CCZ1B: variants seen among roughly 807,000 people sequenced by gnomAD.
CCZ1B encodes the protein CCZ1B vacuolar protein trafficking and biogenesis associated.
In CCZ1B, 25 loss-of-function variants were observed where a neutral mutation model predicts 58.8. That is an observed-to-expected ratio of 0.43 (90% CI 0.31 to 0.59). CCZ1B has a LOEUF of 0.59. Among genes scored for constraint, CCZ1B ranks in the 20% least tolerant of loss-of-function variants. The pLI, the probability that CCZ1B is intolerant of heterozygous loss-of-function variation, is 0.12. For synonymous variants in CCZ1B, 66 were observed against 173.2 expected, an observed-to-expected ratio of 0.38 and a Z score of 4.86; for missense variants, 180 against 501.5, an observed-to-expected ratio of 0.36 and a Z score of 6.12.
chr7:6,808,520 G>C (rs1473075695), intron 10 of CCZ1B, among the ~76,000 whole-genome samples: 1 of 150,456 alleles, frequency 6.6e-6, no homozygotes, highest in Non-Finnish European at 1.5e-5. Flanking sequence ...TCTTCCCCGG[G>C]CTGATTTTAA....
intron 8 of CCZ1B, 72 bp downstream of exon 8, chr7:6,814,692 C>G: frequency 7.3e-7 from 1 of 1,361,844 alleles, no homozygotes; most frequent in South Asian, 1.3e-5. Context: ...CCCCCATGCA[C>G]CACCATCTCA....
At chr7:6,819,647 G>C (rs1296745585) in intron 7 of CCZ1B, 119 bp downstream of exon 7, 11 of 612,856 alleles carry the variant, frequency 1.8e-5, no homozygotes, top group Non-Finnish European at 3.2e-5. Flanking sequence ...CTATGAAGAT[G>C]CTTCCTACCC....
Position 6,824,213 on chromosome 7 carries a change from A to G in CCZ1B, c.313-47T>C, listed in dbSNP as rs570469197. On this transcript the variant is annotated intron_variant, in intron 3 of 14. Transcript: ENST00000316731. ...AATTATACAATGAATTCATTAGACC[A>G]TGTTTATTTTGCCTTAATTTAAAAA... 2.0e-4 allele frequency: 302 copies of G among 1,504,888 alleles called. 3 individuals carry two copies. The South Asian group carries it at 2.5e-3, about 12-fold the overall frequency. The allele number at this position is 1,504,888 out of a possible 1,614,324, so 93.2% of individuals were successfully genotyped here. A position where few individuals can be genotyped will look rare whatever the true frequency, so the allele number is the denominator to read the frequency against.
rs1161404146 is a variant in CCZ1B, at chr7:6,814,650, G to A, written c.780+114C>T. The A allele has an allele frequency of 3.2e-5, 30 of 949,654 alleles. No homozygotes were observed. In the East Asian group the frequency reaches 6.8e-4, roughly 21 times the overall value. The allele number at this position is 949,654 out of a possible 1,614,324, so 58.8% of individuals were successfully genotyped here. On this transcript the variant is annotated intron_variant, in intron 8 of 14. Transcript: ENST00000316731. ...TACAGTGACATAAATAACACACTAA[G>A]ACAAAACATACATCAGAAACGATCA... is the stretch of plus-strand genomic sequence containing the variant.
chr7:6,812,908 C>T, intron 9 of CCZ1B, 68 bp downstream of exon 9: 1 of 1,532,502 alleles, frequency 6.5e-7, no homozygotes, highest in Non-Finnish European at 8.8e-7. Context: ...GCCTGGGTAA[C>T]AGAGCCAGAC....
chr7:6,814,677 A>C, intron 8 of CCZ1B, 87 bp downstream of exon 8: 3 of 1,223,670 alleles, frequency 2.5e-6, no homozygotes, highest in South Asian at 2.7e-5. Context: ...AAACGATCAG[A>C]AACACCCCCA....
chr7:6,823,362 T>C lies in CCZ1B; in HGVS notation c.391-2A>G. 6.2e-7 allele frequency: 1 copy of C among 1,607,706 alleles called. No individual in the cohort carries two copies. The highest frequency in any genetic ancestry group is 1.1e-5 in the South Asian group (1 of 90,594). ...CAGCACCGAGCTATAAACCTTGTCC[T>C]GCAGACGCGAAAACACAGCACACAG... On this transcript the variant is annotated splice_acceptor_variant, in intron 4 of 14. Coordinates refer to ENST00000316731, the MANE Select transcript of CCZ1B (RefSeq NM_198097.5). LOFTEE classifies it high-confidence loss of function.
intron 10 of CCZ1B, among the ~76,000 whole-genome samples, chr7:6,808,506 C>G (rs1237857897): frequency 6.7e-6 from 1 of 150,312 alleles, no homozygotes; most frequent in African/African-American, 2.5e-5. Flanking sequence ...CTGCCCCACA[C>G]GCCTCTTCCC....
chr7:6,818,634 CA>C (rs754950810), intron 7 of CCZ1B, among the ~76,000 whole-genome samples: 8,573 of 104,296 alleles, frequency 0.082, 617 homozygotes, highest in South Asian at 0.14. Flanking sequence ...GAAAGAAAGA[CA>C]AGAAAGAAAG....
intron 5 of CCZ1B, among the ~76,000 whole-genome samples, chr7:6,822,738 G>C (rs1330083931): frequency 9.7e-6 from 1 of 102,566 alleles, no homozygotes. Flanking sequence ...GAATCTCGCT[G>C]TTGCCCAGGG....
rs554356422 is a variant in CCZ1B at position 6,818,490 on chromosome 7, A to G, written c.698+1276T>C. On this transcript the variant is annotated intron_variant, in intron 7 of 14. Transcript: ENST00000316731. Reference sequence around the variant, plus strand: ...CTTGAACCCAGGAAGGGGAAGTTGCAGTGAGCCAAGATCGCGCCACTGTAC... The same window carrying G: ...CTTGAACCCAGGAAGGGGAAGTTGCGGTGAGCCAAGATCGCGCCACTGTAC... Among the ~76,000 whole-genome samples the G allele has an allele frequency of 1.1e-3, 163 of 149,260 alleles. 12 individuals are homozygous for G. The highest frequency in any genetic ancestry group is 4.0e-3 in the African/African-American group (158 of 39,484).
chr7:6,819,920 G>T lies in CCZ1B; in HGVS notation c.544C>A (p.Gln182Lys). ...AAAATGTCAAGTAGGTCACATGACT[G>T]CAAATGTAGCGTTTGCAAATACTGT... ...FHRYLQTLHL[Q>K]SCDLLDIFGG... is the part of the protein sequence containing the mutation. The change falls in exon 7 of 15, where the codon CAG becomes AAG. Residue 182 changes from glutamine (Q) to lysine (K), a missense_variant. Coordinates refer to ENST00000316731, the MANE Select transcript of CCZ1B (RefSeq NM_198097.5). 1.2e-6 allele frequency: 2 copies of T among 1,605,864 alleles called. No homozygotes were observed. Among genetic ancestry groups the T allele is most frequent in the Admixed American group, 1.7e-5 (1 of 59,386 alleles).
intron 12 of CCZ1B, among the ~76,000 whole-genome samples, chr7:6,804,074 C>T (rs1474780758): frequency 4.4e-4 from 67 of 150,806 alleles, no homozygotes; most frequent in African/African-American, 1.5e-3. Context: ...ACTTCAACTT[C>T]GCAAAGTGCT....
intron 8 of CCZ1B, among the ~76,000 whole-genome samples, chr7:6,813,243 T>A (rs1004204333): frequency 6.7e-6 from 1 of 149,298 alleles, no homozygotes; most frequent in Admixed American, 6.7e-5. Flanking sequence ...CAAGCAACCC[T>A]CCCACCTCAG....
At chr7:6,814,523 A>G in intron 8 of CCZ1B, 3 of 377,194 alleles carry the variant, frequency 8.0e-6, no homozygotes, top group Non-Finnish European at 1.4e-5. Flanking sequence ...AAACACACAC[A>G]AAAAAACCAA....
intron 7 of CCZ1B, 140 bp from the exon 8 acceptor site, chr7:6,814,985 T>G (rs3779100): frequency 1.1e-5 from 6 of 528,304 alleles, no homozygotes; most frequent in Non-Finnish European, 1.9e-5. Flanking sequence ...TTTTTAAAGT[T>G]TAAAGCTACT....
intron 6 of CCZ1B, among the ~76,000 whole-genome samples, chr7:6,820,552 G>A (rs1490474225): frequency 1.4e-5 from 2 of 148,046 alleles, no homozygotes; most frequent in Non-Finnish European, 3.0e-5. Context: ...TCTGGCCTCC[G>A]TGATTCTCGT....
chr7:6,823,241 T>A, intron 5 of CCZ1B, 72 bp downstream of exon 5: 1 of 1,581,882 alleles, frequency 6.3e-7, no homozygotes, highest in Non-Finnish European at 8.6e-7. Context: ...AGACTTCTCT[T>A]TAAACAACCC....
chr7:6,810,607 C>T (rs1422514707), intron 10 of CCZ1B, among the ~76,000 whole-genome samples: 2 of 148,254 alleles, frequency 1.3e-5, no homozygotes, highest in Non-Finnish European at 3.0e-5. Flanking sequence ...TGAGCACTGC[C>T]ATGCCTGGCT....
Sources: allele counts gnomAD v4.1 joint callset (sites outside exome capture counted in the v4.1 genomes callset), GRCh38; gene constraint gnomAD v4.1.1; transcripts MANE v1.5; gene names NCBI Gene and HGNC (gene_info 2026-07-23, HGNC 2026-07-21).